Variants in ZC3H12B observed in about 807,000 individuals in gnomAD.
ZC3H12B encodes zinc finger CCCH-type containing 12B.
Under a neutral mutation model 43.9 loss-of-function variants are expected in ZC3H12B, and 7 were observed. That is an observed-to-expected ratio of 0.16 (90% CI 0.09 to 0.30). ZC3H12B has a LOEUF of 0.30. ZC3H12B is among the 10% of genes least tolerant of loss of function. The pLI is 1.00. For synonymous variants in ZC3H12B, 222 were observed against 241.7 expected, an observed-to-expected ratio of 0.92 and a Z score of 0.76; for missense variants, 475 against 670.2, an observed-to-expected ratio of 0.71 and a Z score of 3.22.
At chrX:65,429,524 C>G (rs1255191963) in intron 3 of ZC3H12B, among the ~76,000 whole-genome samples, 2 of 112,566 alleles carry the variant, frequency 1.8e-5, no homozygotes, top group Non-Finnish European at 3.8e-5. Flanking sequence ...AAGAAGCAGT[C>G]TGGCCAAAAT....
Position 65,434,351 on chromosome X carries a change from C to T in ZC3H12B, n.407+35647C>T, listed in dbSNP as rs181499719. ...GACAAATCCACTGTAGCATTCCAAT[C>T]TTCCTAAGCCTTTGAATCCCTTCCT... On this transcript the variant is annotated intron_variant and non_coding_transcript_variant, in intron 3 of 5. Transcript: ENST00000617377. 2.1e-3 allele frequency among the ~76,000 whole-genome samples: 237 copies of T among 112,212 alleles called. 1 individual carries two copies. The highest frequency in any genetic ancestry group is 3.5e-3 in the Non-Finnish European group (186 of 53,215).
the ZC3H12B span, among the ~76,000 whole-genome samples, chrX:65,302,282 CA>C: frequency 9.1e-6 from 1 of 109,521 alleles, no homozygotes; most frequent in African/African-American, 3.3e-5. Flanking sequence ...TTGAGTTGAC[CA>C]AAAAAACTTT....
the ZC3H12B span, among the ~76,000 whole-genome samples, chrX:65,053,253 C>G: frequency 9.0e-6 from 1 of 110,538 alleles, no homozygotes; most frequent in Non-Finnish European, 1.9e-5. Context: ...GCTATCCGTC[C>G]CCACTCCCCC....
chrX:65,333,676 C>T, the ZC3H12B span, among the ~76,000 whole-genome samples: 1 of 111,691 alleles, frequency 9.0e-6, no homozygotes, highest in Non-Finnish European at 1.9e-5. Context: ...TCTAATGTCA[C>T]AATTTCCAAA....
chrX:65,125,815 G>A, the ZC3H12B span, among the ~76,000 whole-genome samples: 38 of 110,833 alleles, frequency 3.4e-4, no homozygotes, highest in African/African-American at 1.0e-3. Context: ...GTCCATTTGC[G>A]TGGAATATCT....
intron 3 of ZC3H12B, chrX:65,470,104 G>C (rs919931014): frequency 8.6e-6 from 1 of 116,456 alleles, no homozygotes; most frequent in African/African-American, 3.2e-5. Context: ...AGCGTGTGCA[G>C]CGCCAAGTAT....
chrX:65,049,236 A>G, the ZC3H12B span, among the ~76,000 whole-genome samples: 10 of 111,318 alleles, frequency 9.0e-5, no homozygotes, highest in South Asian at 2.6e-3. Context: ...TATCCAAAAA[A>G]TCATTCCCAA....
the ZC3H12B span, among the ~76,000 whole-genome samples, chrX:65,097,419 G>A: frequency 9.0e-6 from 1 of 111,146 alleles, no homozygotes; most frequent in Non-Finnish European, 1.9e-5. Context: ...TGTTACTTTT[G>A]ACATTCTATA....
chrX:65,362,562 A>T (rs899711830), upstream of ZC3H12B, among the ~76,000 whole-genome samples: 2 of 109,695 alleles, frequency 1.8e-5, no homozygotes, highest in South Asian at 7.9e-4. Flanking sequence ...CCTCCTTCAC[A>T]TCTTCCTCTC....
At chrX:65,348,019 TG>T in the ZC3H12B span, among the ~76,000 whole-genome samples, 1 of 103,954 alleles carries the variant, frequency 9.6e-6, no homozygotes, top group African/African-American at 3.6e-5. Flanking sequence ...TTCTCATAGG[TG>T]GGAATTGAAC....
At chrX:65,126,113 G>T in the ZC3H12B span, among the ~76,000 whole-genome samples, 1 of 106,856 alleles carries the variant, frequency 9.4e-6, no homozygotes, top group African/African-American at 3.4e-5. Flanking sequence ...GAGTGTATTT[G>T]GTATATTTTG....
the ZC3H12B span, among the ~76,000 whole-genome samples, chrX:65,092,461 TG>T: frequency 8.1e-5 from 9 of 111,592 alleles, no homozygotes; most frequent in East Asian, 2.6e-3. Context: ...ATTGGTTAAA[TG>T]GTTGTATTCA....
chrX:65,191,506 C>A, the ZC3H12B span, among the ~76,000 whole-genome samples: 6 of 101,913 alleles, frequency 5.9e-5, no homozygotes, highest in African/African-American at 2.6e-4. Context: ...AGAGATTCAA[C>A]TTCTTCCTGG....
At chrX:65,252,091 T>C in the ZC3H12B span, among the ~76,000 whole-genome samples, 1 of 111,993 alleles carries the variant, frequency 8.9e-6, no homozygotes. Flanking sequence ...ATAGATCTTA[T>C]TATTTTGAGA....
At chrX:65,292,590 C>G in the ZC3H12B span, among the ~76,000 whole-genome samples, 1 of 109,302 alleles carries the variant, frequency 9.1e-6, no homozygotes, top group Admixed American at 9.7e-5. Flanking sequence ...ACCTATGTAA[C>G]AAACCTGCAC....
the ZC3H12B span, among the ~76,000 whole-genome samples, chrX:65,289,226 G>T: frequency 1.5e-4 from 17 of 110,841 alleles, no homozygotes; most frequent in Non-Finnish European, 2.5e-4. Flanking sequence ...TATTCACAAC[G>T]TTAGAAAAAA....
At chrX:65,344,529 G>T in the ZC3H12B span, among the ~76,000 whole-genome samples, 1 of 112,134 alleles carries the variant, frequency 8.9e-6, no homozygotes, top group African/African-American at 3.2e-5. Context: ...GCAGAAGATT[G>T]AAACTAGAAC....
At chrX:65,336,861 C>T in the ZC3H12B span, among the ~76,000 whole-genome samples, 1 of 112,409 alleles carries the variant, frequency 8.9e-6, no homozygotes, top group Non-Finnish European at 1.9e-5. Context: ...TGACCCTGTA[C>T]ATGCCAAATC....
the ZC3H12B span, among the ~76,000 whole-genome samples, chrX:65,173,483 C>T: frequency 1.3e-3 from 149 of 111,542 alleles, no homozygotes; most frequent in Non-Finnish European, 2.1e-3. Flanking sequence ...TTAGAGAGGG[C>T]GTCCTTGTCT....
Sources: gnomAD v4.1 joint callset for allele counts (sites outside exome capture counted in the v4.1 genomes callset) on GRCh38, gnomAD v4.1.1 for gene constraint, MANE v1.5 for transcripts, NCBI Gene and HGNC (gene_info 2026-07-23, HGNC 2026-07-21) for gene names.